The following ATG5 variants were observed in gnomAD, a reference collection of about 807,000 sequenced individuals.
ATG5 encodes the protein autophagy related 5.
In ATG5, 14 loss-of-function variants were observed where a neutral mutation model predicts 36.5. That is an observed-to-expected ratio of 0.38 (90% CI 0.25 to 0.60). ATG5 has a LOEUF of 0.60. Ranked by LOEUF, ATG5 falls within the 20% of genes least tolerant of loss-of-function variation. The pLI is 0.60. For missense variants in ATG5, 195 were observed against 326.7 expected (o/e 0.60, Z 3.11); for synonymous variants, 95 against 101.5 (o/e 0.94, Z 0.38).
intron 5 of ATG5, among the ~76,000 whole-genome samples, chr6:106,257,677 G>A (rs567169039): frequency 1.3e-5 from 2 of 152,156 alleles, no homozygotes; most frequent in Non-Finnish European, 2.9e-5. Context: ...TTCTTGTGAG[G>A]AATCACTCTA....
chr6:106,307,541 T>C (rs1267953080), intron 3 of ATG5, among the ~76,000 whole-genome samples: 2 of 149,566 alleles, frequency 1.3e-5, no homozygotes, highest in Admixed American at 6.6e-5. Context: ...TACCCTTTTT[T>C]TTTTTTTTTT....
chr6:106,229,523 A>C, intron 6 of ATG5, among the ~76,000 whole-genome samples: 1 of 152,138 alleles, frequency 6.6e-6, no homozygotes, highest in East Asian at 1.9e-4. Context: ...AGAGACAAAC[A>C]GGGAGTCAGA....
chr6:106,317,383 T>G (rs950023547), intron 1 of ATG5, among the ~76,000 whole-genome samples: 1 of 152,200 alleles, frequency 6.6e-6, no homozygotes, highest in African/African-American at 2.4e-5. Context: ...AACACTGAAT[T>G]ATTCAAGGAG....
At chr6:106,268,152 T>C (rs915933838) in intron 5 of ATG5, among the ~76,000 whole-genome samples, 2 of 152,026 alleles carry the variant, frequency 1.3e-5, no homozygotes, top group Admixed American at 6.5e-5. Flanking sequence ...AGGTCTAATA[T>C]CTAGAATCTA....
chr6:106,224,559 C>T (rs1462804876), intron 6 of ATG5, among the ~76,000 whole-genome samples: 6 of 152,142 alleles, frequency 3.9e-5, no homozygotes, highest in South Asian at 4.1e-4. Flanking sequence ...CAGTTAGAAC[C>T]TCACAGAGAA....
At chr6:106,323,260 CTTTTT>C (rs71274321) in intron 1 of ATG5, among the ~76,000 whole-genome samples, 3 of 64,230 alleles carry the variant, frequency 4.7e-5, no homozygotes, top group African/African-American at 6.6e-5. Flanking sequence ...TGGAAAAGTC[CTTTTT>C]TTTTTTTTTT....
intron 3 of ATG5, among the ~76,000 whole-genome samples, 166 bp downstream of exon 3, chr6:106,308,198 T>C (rs1175785005): frequency 6.6e-6 from 1 of 152,154 alleles, no homozygotes; most frequent in Non-Finnish European, 1.5e-5. Flanking sequence ...AAGGCAGAAA[T>C]ATTTTCAATA....
chr6:106,231,051 A>C (rs1562225456), intron 6 of ATG5, among the ~76,000 whole-genome samples: 1 of 151,864 alleles, frequency 6.6e-6, no homozygotes, highest in Non-Finnish European at 1.5e-5. Flanking sequence ...CAAACGGTCC[A>C]AAAGGAGATA....
intron 4 of ATG5, among the ~76,000 whole-genome samples, chr6:106,287,210 A>G (rs1562256625): frequency 6.6e-6 from 1 of 152,242 alleles, no homozygotes; most frequent in South Asian, 2.1e-4. Context: ...TCAACAACAC[A>G]TAACAGGAGG....
At chr6:106,304,687 G>A (rs1582677959) in intron 3 of ATG5, among the ~76,000 whole-genome samples, 1 of 152,204 alleles carries the variant, frequency 6.6e-6, no homozygotes, top group Non-Finnish European at 1.5e-5. Context: ...AGAGGTAACT[G>A]TAAAGGAGTA....
At chr6:106,283,943 T>C (rs2114610744) in intron 4 of ATG5, among the ~76,000 whole-genome samples, 1 of 152,348 alleles carries the variant, frequency 6.6e-6, no homozygotes, top group African/African-American at 2.4e-5. Context: ...TAATGTGCAG[T>C]CTTTTGTGTC....
chr6:106,250,261 A>C (rs1778519506), intron 5 of ATG5, among the ~76,000 whole-genome samples: 1 of 151,930 alleles, frequency 6.6e-6, no homozygotes. Context: ...TATATTTTTA[A>C]AAAATTTCTT....
At chr6:106,276,629 A>C (rs1779667778) in intron 5 of ATG5, among the ~76,000 whole-genome samples, 1 of 152,218 alleles carries the variant, frequency 6.6e-6, no homozygotes, top group African/African-American at 2.4e-5. Flanking sequence ...AATCAGTTTT[A>C]GAATCCTCTG....
chr6:106,306,665 C>G (rs1770458498), intron 3 of ATG5, among the ~76,000 whole-genome samples: 1 of 152,194 alleles, frequency 6.6e-6, no homozygotes, highest in African/African-American at 2.4e-5. Flanking sequence ...ATCTGTAATA[C>G]ATATAATGCA....
At chr6:106,320,727 T>C (rs1771034289) in intron 1 of ATG5, among the ~76,000 whole-genome samples, 1 of 151,336 alleles carries the variant, frequency 6.6e-6, no homozygotes, top group Non-Finnish European at 1.5e-5. Context: ...AATCTATAAA[T>C]GTAAATAAAA....
intron 6 of ATG5, among the ~76,000 whole-genome samples, chr6:106,240,971 G>A (rs1778102191): frequency 6.6e-6 from 1 of 152,138 alleles, no homozygotes; most frequent in South Asian, 2.1e-4. Context: ...TGGCCAACAT[G>A]GCAAAACCCT....
chr6:106,242,629 C>A (rs1405390459), intron 6 of ATG5, among the ~76,000 whole-genome samples: 1 of 151,282 alleles, frequency 6.6e-6, no homozygotes, highest in African/African-American at 2.4e-5. Context: ...ATAACAACAA[C>A]AAAAAAAACA....
intron 5 of ATG5, among the ~76,000 whole-genome samples, chr6:106,276,051 CTT>C (rs1298130310): frequency 1.3e-5 from 2 of 152,234 alleles, no homozygotes; most frequent in Non-Finnish European, 2.9e-5. Flanking sequence ...CTCACTAACT[CTT>C]TTCATCAAGA....
At chr6:106,232,176 A>G (rs1014550235) in intron 6 of ATG5, among the ~76,000 whole-genome samples, 3 of 152,070 alleles carry the variant, frequency 2.0e-5, no homozygotes, top group African/African-American at 7.2e-5. Context: ...ATGCTTGACC[A>G]TTGACGGCCA....
Sources: allele counts gnomAD v4.1 joint callset (sites outside exome capture counted in the v4.1 genomes callset), GRCh38; gene constraint gnomAD v4.1.1; transcripts MANE v1.5; gene names NCBI Gene and HGNC (gene_info 2026-07-23, HGNC 2026-07-21).